PDCD6IP: variants seen among roughly 807,000 people sequenced by gnomAD.
The protein encoded by PDCD6IP is programmed cell death 6 interacting protein, also known as programmed cell death 6-interacting protein.
PDCD6IP carries 43 observed loss-of-function variants against 103.7 expected under a neutral mutation model. The ratio of observed to expected loss-of-function variants is 0.41; its 90% CI spans 0.32 to 0.53. The LOEUF (loss-of-function observed/expected upper bound fraction) is 0.53. PDCD6IP is among the 20% of genes least tolerant of loss of function. The pLI is 0.16. For synonymous variants in PDCD6IP, 354 were observed against 378.7 expected, an observed-to-expected ratio of 0.93 and a Z score of 0.76; for missense variants, 871 against 1,036.7, an observed-to-expected ratio of 0.84 and a Z score of 2.20.
chr3:33,812,790 G>A (rs1231475220), intron 2 of PDCD6IP, among the ~76,000 whole-genome samples: 2 of 152,100 alleles, frequency 1.3e-5, no homozygotes, highest in Non-Finnish European at 2.9e-5. Flanking sequence ...GCTGGAGGCA[G>A]GGCAAATTGG....
rs1697342703 is a variant in PDCD6IP, at chr3:33,836,141, C to T, written c.932C>T (p.Ala311Val). 3 of 1,610,810 alleles carry T rather than the reference C, an allele frequency of 1.9e-6. No homozygotes were observed. Residue 311 changes from alanine to valine, a missense_variant, in exon 8 of 18, where the codon GCA becomes GTA. Physicochemically the swap from Ala to Val is moderately conservative, Grantham distance 64. Coordinates refer to ENST00000307296, the MANE Select transcript of PDCD6IP (RefSeq NM_013374.6). The stretch of plus-strand genomic sequence containing the variant: ...AAAATCAATCGTGCCCTTGCTGCAG[C>T]AAAGAAGGATAATGACTTCATTTAT... ...SDKINRALAA[A>V]KKDNDFIYHD...
chr3:33,863,316 T>C (rs1264423737), intron 15 of PDCD6IP, among the ~76,000 whole-genome samples: 2 of 152,274 alleles, frequency 1.3e-5, no homozygotes, highest in African/African-American at 4.8e-5. Flanking sequence ...TTTTGAAATA[T>C]ACAATAAATT....
chr3:33,836,121 C>T lies in PDCD6IP; in HGVS notation c.912C>T (p.Ile304=). Residue 304 remains isoleucine (I), a synonymous_variant, in exon 8 of 18, where the codon ATC becomes ATT. Coordinates refer to ENST00000307296, the MANE Select transcript of PDCD6IP (RefSeq NM_013374.6). ...ATGTGAAGGATTTTTCTGACAAAAT[C>T]AATCGTGCCCTTGCTGCAGCAAAGA... is the stretch of plus-strand genomic sequence containing the variant. ...YVNVKDFSDK[I]NRALAAAKKD... 6.2e-7 allele frequency: 1 copy of T among 1,611,294 alleles called. No homozygotes were observed. The highest frequency in any genetic ancestry group is 1.1e-5 in the South Asian group (1 of 91,008).
chr3:33,837,129 AG>A (rs1329349657), intron 8 of PDCD6IP, among the ~76,000 whole-genome samples: 1 of 152,110 alleles, frequency 6.6e-6, no homozygotes, highest in Non-Finnish European at 1.5e-5. Context: ...CGTGTTGGTC[AG>A]GCTGGCCTGG....
chr3:33,866,407 A>C lies in PDCD6IP; in HGVS notation c.2489A>C (p.Asn830Thr). 1 of 1,611,228 alleles carries C rather than the reference A, an allele frequency of 6.2e-7. No individual in the cohort carries two copies. Among genetic ancestry groups the C allele is most frequent in the East Asian group, 2.2e-5 (1 of 44,680 alleles). The change falls in exon 18 of 18, where the codon AAT becomes ACT. Residue 830 changes from asparagine to threonine, a missense_variant. Physicochemically the swap from Asn to Thr is moderately conservative, Grantham distance 65. Transcript: ENST00000307296. ...GYNPYAYGQY[N>T]MPYPPVYHQS... ...AATCCTTATGCGTATGGCCAGTATA[A>C]TATGCCATATCCACCAGTGTATCAC... is the stretch of plus-strand genomic sequence containing the variant.
chr3:33,845,783 A>G (rs952949025), intron 12 of PDCD6IP, among the ~76,000 whole-genome samples, 195 bp downstream of exon 12: 2 of 152,220 alleles, frequency 1.3e-5, no homozygotes, highest in Non-Finnish European at 1.5e-5. Flanking sequence ...TGTAATAGTA[A>G]CTTCCATTTA....
At chr3:33,859,652 C>A (rs1425964365) in intron 15 of PDCD6IP, among the ~76,000 whole-genome samples, 1 of 152,020 alleles carries the variant, frequency 6.6e-6, no homozygotes, top group Non-Finnish European at 1.5e-5. Context: ...TTCAGATTGG[C>A]AAGAATCTGA....
chr3:33,860,936 A>G (rs983608086), intron 15 of PDCD6IP, among the ~76,000 whole-genome samples: 1 of 151,980 alleles, frequency 6.6e-6, no homozygotes, highest in African/African-American at 2.4e-5. Flanking sequence ...AACTACATCT[A>G]TATGGTGAAG....
chr3:33,811,394 G>A (rs1248349769), intron 1 of PDCD6IP, among the ~76,000 whole-genome samples: 3 of 152,206 alleles, frequency 2.0e-5, no homozygotes, highest in African/African-American at 7.2e-5. Flanking sequence ...GGTGGGGGAA[G>A]TATAAGGGAA....
chr3:33,812,211 T>C, intron 2 of PDCD6IP, 85 bp downstream of exon 2: 1 of 1,488,300 alleles, frequency 6.7e-7, no homozygotes, highest in Non-Finnish European at 8.9e-7. Flanking sequence ...TAGAGTTTTA[T>C]GAGATAGTGT....
At chr3:33,845,302 G>T in intron 11 of PDCD6IP, 117 bp from the exon 12 acceptor site, 1 of 592,558 alleles carries the variant, frequency 1.7e-6, no homozygotes, top group Non-Finnish European at 2.9e-6. Context: ...AAGTGAATTG[G>T]GGTCTATAGA....
chr3:33,808,941 G>A (rs1214404525), intron 1 of PDCD6IP, among the ~76,000 whole-genome samples: 9 of 152,062 alleles, frequency 5.9e-5, no homozygotes, highest in African/African-American at 2.2e-4. Flanking sequence ...GTACCCTCTT[G>A]TCCCAGGGTA....
chr3:33,809,159 C>G (rs999672041), intron 1 of PDCD6IP, among the ~76,000 whole-genome samples: 3 of 152,196 alleles, frequency 2.0e-5, no homozygotes, highest in Non-Finnish European at 2.9e-5. Flanking sequence ...CTCCATGGCA[C>G]TTACCACTGT....
rs570543789 is a variant in PDCD6IP at position 33,851,496 on chromosome 3, G to A, written c.1642-992G>A. Among the ~76,000 whole-genome samples, 30 of 152,200 alleles carry A rather than the reference G, an allele frequency of 2.0e-4. No individual in the cohort carries two copies. In the South Asian group the frequency reaches 6.0e-3, roughly 31 times the overall value. ...TGTTTTTGTATTTTGTTTTGAGACAGGGTTTCTCTCTGTCACCCAGGCTGG... is the reference window on the plus strand; with the variant it reads ...TGTTTTTGTATTTTGTTTTGAGACAAGGTTTCTCTCTGTCACCCAGGCTGG... On this transcript the variant is annotated intron_variant, in intron 12 of 17. Coordinates refer to ENST00000307296, the MANE Select transcript of PDCD6IP (RefSeq NM_013374.6).
chr3:33,868,615 A>T lies in PDCD6IP; in HGVS notation c.*2090A>T, dbSNP rs1698118523. On this transcript the variant is annotated 3_prime_UTR_variant, in exon 18 of 18. Transcript: ENST00000307296. ...TTTAATCACCTGTGTCTGGGCACAG[A>T]CAATCACAATAAATGCAGCCCTTTA... 2 of 152,294 alleles carry T rather than the reference A, an allele frequency of 1.3e-5. No homozygotes were observed. The highest frequency in any genetic ancestry group is 2.4e-5 in the African/African-American group (1 of 41,440). 9.4% of individuals were successfully genotyped at this position (152,294 alleles called of 1,614,324 possible).
Position 33,867,388 on chromosome 3 carries a change from A to G in PDCD6IP, c.*863A>G, listed in dbSNP as rs1242217562. The G allele has an allele frequency of 6.6e-6, 1 of 152,214 alleles. No homozygotes were observed. Among genetic ancestry groups the G allele is most frequent in the Non-Finnish European group, 1.5e-5 (1 of 68,030 alleles). The allele number at this position is 152,214 out of a possible 1,614,324, so 9.4% of individuals were successfully genotyped here. On this transcript the variant is annotated 3_prime_UTR_variant, in exon 18 of 18. Coordinates refer to ENST00000307296, the MANE Select transcript of PDCD6IP (RefSeq NM_013374.6). ...CATTTTTTCCCCATAACCTGGTTAAAATAAATACGCCATTGGCAATACTTC... is the reference window on the plus strand; with the variant it reads ...CATTTTTTCCCCATAACCTGGTTAAGATAAATACGCCATTGGCAATACTTC...
intron 12 of PDCD6IP, among the ~76,000 whole-genome samples, chr3:33,847,763 T>G (rs1327163688): frequency 6.6e-6 from 1 of 152,178 alleles, no homozygotes; most frequent in Non-Finnish European, 1.5e-5. Context: ...TATTTAAAGA[T>G]TTTTGTATTA....
At chr3:33,864,582 T>C (rs1698024510) in intron 16 of PDCD6IP, among the ~76,000 whole-genome samples, 1 of 152,206 alleles carries the variant, frequency 6.6e-6, no homozygotes, top group Admixed American at 6.5e-5. Context: ...TTTATAAAAA[T>C]AGCTATATGA....
At chr3:33,840,020 A>G (rs1295524217) in intron 9 of PDCD6IP, among the ~76,000 whole-genome samples, 1 of 152,208 alleles carries the variant, frequency 6.6e-6, no homozygotes, top group Non-Finnish European at 1.5e-5. Context: ...AATTGAGAAT[A>G]TAGGTGACCC....
Sources: gnomAD v4.1 joint callset for allele counts (sites outside exome capture counted in the v4.1 genomes callset) on GRCh38, gnomAD v4.1.1 for gene constraint, MANE v1.5 for transcripts, NCBI Gene and HGNC (gene_info 2026-07-23, HGNC 2026-07-21) for gene names.